Variants in GANC observed in about 807,000 individuals in gnomAD.
GANC encodes glucosidase alpha, neutral C, also known as neutral alpha-glucosidase C.
GANC carries 117 observed loss-of-function variants against 124.2 expected under a neutral mutation model. The observed-to-expected ratio is 0.94, with a 90% CI of 0.81 to 1.10. GANC has a LOEUF of 1.10. Among genes scored for constraint, GANC ranks in the 50% least tolerant of loss-of-function variants. GANC has a pLI of 0.00. For missense variants in GANC, 1,140 were observed against 1,095.0 expected (o/e 1.04, Z -0.58); for synonymous variants, 377 against 376.8 (o/e 1.00, Z -0.01).
At chr15:42,336,005 A>G (rs1223653652) in intron 15 of GANC, among the ~76,000 whole-genome samples, 1 of 152,204 alleles carries the variant, frequency 6.6e-6, no homozygotes, top group African/African-American at 2.4e-5. Context: ...ATGCTCATGG[A>G]TAGGAAAAAT....
At chr15:42,293,000 C>T in intron 5 of GANC, 83 bp downstream of exon 5, 1 of 1,321,724 alleles carries the variant, frequency 7.6e-7, no homozygotes, top group Admixed American at 2.1e-5. Context: ...GATAACATAG[C>T]ACCATAGAAA....
chr15:42,349,099 G>A (rs1030568137), intron 21 of GANC, among the ~76,000 whole-genome samples: 1 of 152,118 alleles, frequency 6.6e-6, no homozygotes, highest in African/African-American at 2.4e-5. Context: ...ACATTCTGGT[G>A]GAGTATTTTC....
intron 4 of GANC, among the ~76,000 whole-genome samples, chr15:42,288,859 T>G (rs1031891626): frequency 6.6e-6 from 1 of 152,122 alleles, no homozygotes; most frequent in African/African-American, 2.4e-5. Flanking sequence ...TTCTCAAGGC[T>G]TTTGCAGTTT....
At chr15:42,318,343 A>G (rs2052127218) in intron 10 of GANC, among the ~76,000 whole-genome samples, 1 of 152,194 alleles carries the variant, frequency 6.6e-6, no homozygotes, top group African/African-American at 2.4e-5. Context: ...GTATGAAACC[A>G]TCTTTTTTCC....
At chr15:42,326,478 G>A (rs2052199737) in intron 12 of GANC, 54 bp downstream of exon 12, 1 of 1,610,534 alleles carries the variant, frequency 6.2e-7, no homozygotes, top group Admixed American at 1.7e-5. Flanking sequence ...CCCAATTAAT[G>A]AAGGCTGCGT....
intron 2 of GANC, chr15:42,278,205 A>G: frequency 4.4e-6 from 1 of 227,638 alleles, no homozygotes; most frequent in Non-Finnish European, 9.0e-6. Context: ...AATGTCATCT[A>G]TGAAAATTGC....
intron 5 of GANC, among the ~76,000 whole-genome samples, chr15:42,296,142 C>CA (rs79173534): frequency 0.086 from 5,577 of 64,588 alleles, 404 homozygotes; most frequent in African/African-American, 0.24. Context: ...AACTCTGTCT[C>CA]AAAAAAAAAA....
intron 21 of GANC, among the ~76,000 whole-genome samples, chr15:42,348,562 G>A (rs1207745580): frequency 6.6e-6 from 1 of 152,178 alleles, no homozygotes; most frequent in Non-Finnish European, 1.5e-5. Context: ...CGGTACCCAT[G>A]TCTATGCACC....
At chr15:42,296,849 C>CT (rs2051897127) in intron 5 of GANC, among the ~76,000 whole-genome samples, 1 of 146,024 alleles carries the variant, frequency 6.8e-6, no homozygotes, top group African/African-American at 2.6e-5. Context: ...TTTTCTTTTT[C>CT]CTTTTTTTTT....
intron 3 of GANC, among the ~76,000 whole-genome samples, chr15:42,279,313 C>G (rs2051708367): frequency 6.6e-6 from 1 of 152,138 alleles, no homozygotes; most frequent in African/African-American, 2.4e-5. Context: ...TACACAATGC[C>G]CATTTGCATG....
intron 4 of GANC, among the ~76,000 whole-genome samples, chr15:42,291,031 C>T (rs8023714): frequency 0.91 from 138,159 of 151,844 alleles, 64,205 homozygotes; most frequent in Non-Finnish European, 1. Context: ...GTGCCCGACC[C>T]CTACCACCCT....
intron 11 of GANC, among the ~76,000 whole-genome samples, chr15:42,322,371 T>C (rs1019583174): frequency 6.6e-6 from 1 of 152,180 alleles, no homozygotes; most frequent in African/African-American, 2.4e-5. Context: ...TTAAAAAGTT[T>C]ATTACTCATA....
chr15:42,335,989 C>T (rs893722051), intron 15 of GANC, among the ~76,000 whole-genome samples: 1 of 152,082 alleles, frequency 6.6e-6, no homozygotes, highest in Admixed American at 6.6e-5. Context: ...AATAGAAAAA[C>T]ATTCCATGCT....
At chr15:42,274,630 A>G (rs1341378750) in intron 1 of GANC, 120 bp downstream of exon 1, 2 of 1,005,930 alleles carry the variant, frequency 2.0e-6, no homozygotes, top group African/African-American at 1.7e-5. Flanking sequence ...TTTTCTCTCA[A>G]TTCGCGGGAA....
At chr15:42,332,733 G>A (rs1352523363) in intron 15 of GANC, among the ~76,000 whole-genome samples, 2 of 151,472 alleles carry the variant, frequency 1.3e-5, no homozygotes, top group African/African-American at 4.9e-5. Flanking sequence ...TTTTTTTTGA[G>A]CCAGGCACAG....
intron 18 of GANC, among the ~76,000 whole-genome samples, chr15:42,341,457 A>C (rs568692925): frequency 8.5e-5 from 13 of 152,316 alleles, no homozygotes; most frequent in African/African-American, 3.1e-4. Flanking sequence ...TCTTTAACAA[A>C]GATTAACTAT....
Position 42,352,803 on chromosome 15 carries a change from C to A in GANC, c.*664C>A. 3.8e-6 allele frequency: 3 copies of A among 783,740 alleles called. No individual in the cohort carries two copies. The highest frequency in any genetic ancestry group is 4.6e-6 in the Non-Finnish European group (3 of 646,212). The allele number at this position is 783,740 out of a possible 1,614,324, so 48.5% of individuals were successfully genotyped here. ...TTTTAATTAAGTGCTGTTTACTAAC[C>A]AAATAATATTTATAACATGAGTAAG... is the stretch of plus-strand genomic sequence containing the variant. On this transcript the variant is annotated 3_prime_UTR_variant, in exon 24 of 24. Coordinates refer to ENST00000318010, the MANE Select transcript of GANC (RefSeq NM_198141.3).
intron 10 of GANC, chr15:42,314,316 C>A: frequency 1.7e-6 from 1 of 587,164 alleles, no homozygotes; most frequent in Non-Finnish European, 3.0e-6. Context: ...GGTTTTGCTG[C>A]TGTCTCATCT....
At chr15:42,287,457 T>C (rs1307110086) in intron 3 of GANC, among the ~76,000 whole-genome samples, 1 of 152,184 alleles carries the variant, frequency 6.6e-6, no homozygotes, top group East Asian at 1.9e-4. Flanking sequence ...GGTTTGACAA[T>C]TTTATGTTCA....
Sources: gnomAD v4.1 joint callset for allele counts (sites outside exome capture counted in the v4.1 genomes callset) on GRCh38, gnomAD v4.1.1 for gene constraint, MANE v1.5 for transcripts, NCBI Gene and HGNC (gene_info 2026-07-23, HGNC 2026-07-21) for gene names.